Variants in ENTHD1 observed in about 807,000 individuals in gnomAD.
The protein encoded by ENTHD1 is ENTH domain containing 1, also known as ENTH domain-containing protein 1.
Under a neutral mutation model 39.1 loss-of-function variants are expected in ENTHD1, and 23 were observed. The ratio of observed to expected loss-of-function variants is 0.59; its 90% CI spans 0.42 to 0.83. The LOEUF (loss-of-function observed/expected upper bound fraction) is 0.83, where lower values mean the gene tolerates loss of function less well. ENTHD1 is among the 40% of genes least tolerant of loss of function. ENTHD1 has a pLI of 0.00. For synonymous variants in ENTHD1, 230 were observed against 258.2 expected (o/e 0.89, Z 1.05); for missense variants, 624 against 705.4 (o/e 0.88, Z 1.31).
chr22:39,803,328 C>T (rs1203603219), intron 5 of ENTHD1, among the ~76,000 whole-genome samples: 1 of 152,022 alleles, frequency 6.6e-6, no homozygotes, highest in South Asian at 2.1e-4. Context: ...GTTTCTTCAT[C>T]CTTCTCGTCT....
intron 2 of ENTHD1, among the ~76,000 whole-genome samples, chr22:39,880,692 C>A (rs941427305): frequency 1.3e-5 from 2 of 152,196 alleles, no homozygotes; most frequent in Admixed American, 1.3e-4. Context: ...GGATACATTT[C>A]TGAATTCTTG....
intron 4 of ENTHD1, among the ~76,000 whole-genome samples, chr22:39,828,186 C>T (rs1277351468): frequency 6.6e-6 from 1 of 152,156 alleles, no homozygotes; most frequent in Non-Finnish European, 1.5e-5. Flanking sequence ...TCACTGGAAA[C>T]TGCTGGAGTT....
intron 4 of ENTHD1, among the ~76,000 whole-genome samples, 163 bp downstream of exon 4, chr22:39,835,677 C>A (rs2065902922): frequency 6.6e-6 from 1 of 152,118 alleles, no homozygotes; most frequent in Non-Finnish European, 1.5e-5. Flanking sequence ...ACACATCATC[C>A]GCTAGGGCCT....
At position 39,882,339 on chromosome 22, in the gene ENTHD1, G is replaced by C. The variant is rs1052280786; in HGVS notation, c.349+5061C>G. On this transcript the variant is annotated intron_variant, in intron 2 of 6. Transcript: ENST00000325157. ...AGTAGTTGGGGATAGAGGGAAAAAGGATTCTGAGCTAGGATTTGGAGACTA... is the reference window on the plus strand; with the variant it reads ...AGTAGTTGGGGATAGAGGGAAAAAGCATTCTGAGCTAGGATTTGGAGACTA... Among the ~76,000 whole-genome samples the C allele has an allele frequency of 5.8e-4, 89 of 152,256 alleles. 1 individual carries two copies. Among genetic ancestry groups the C allele is most frequent in the African/African-American group, 2.0e-3 (85 of 41,546 alleles).
intron 2 of ENTHD1, among the ~76,000 whole-genome samples, chr22:39,870,333 T>C (rs996559275): frequency 1.3e-5 from 2 of 151,640 alleles, no homozygotes. Flanking sequence ...ACTAAGGAAT[T>C]CTCCCAAAAT....
intron 6 of ENTHD1, among the ~76,000 whole-genome samples, chr22:39,760,152 G>C (rs1196167569): frequency 6.6e-6 from 1 of 151,906 alleles, no homozygotes; most frequent in Non-Finnish European, 1.5e-5. Flanking sequence ...GTAGGGTAAT[G>C]TTTTTGAATA....
intron 6 of ENTHD1, among the ~76,000 whole-genome samples, chr22:39,755,338 G>T (rs112140021): frequency 1.1e-4 from 16 of 152,258 alleles, no homozygotes; most frequent in African/African-American, 3.9e-4. Context: ...AGGGGAAGGG[G>T]TGGGCCGGGA....
chr22:39,825,872 G>A (rs1416917914), intron 4 of ENTHD1, among the ~76,000 whole-genome samples: 2 of 151,682 alleles, frequency 1.3e-5, no homozygotes, highest in Non-Finnish European at 2.9e-5. Context: ...CCAAATAGAT[G>A]TTCTTGGTTT....
intron 5 of ENTHD1, among the ~76,000 whole-genome samples, chr22:39,784,266 G>A (rs1437382459): frequency 6.6e-6 from 1 of 152,118 alleles, no homozygotes; most frequent in Non-Finnish European, 1.5e-5. Flanking sequence ...TGAGAATGTG[G>A]AGAAAGGGTA....
chr22:39,765,227 T>TGTG lies in ENTHD1; in HGVS notation c.1212_1214dup (p.Thr405dup), dbSNP rs2065266364. On this transcript the variant is annotated inframe_insertion, in exon 6 of 7. Coordinates refer to ENST00000325157, the MANE Select transcript of ENTHD1 (RefSeq NM_152512.4). The stretch of plus-strand genomic sequence containing the variant: ...GTGTGTGTTTGGCAGACTCACCCCG[T>TGTG]GTGGTTGTCTTGAGGATTTTATCAT... 1 of 1,597,816 alleles carries TGTG rather than the reference T, an allele frequency of 6.3e-7. No homozygotes were observed. Among genetic ancestry groups the TGTG allele is most frequent in the South Asian group, 1.1e-5 (1 of 89,544 alleles).
chr22:39,875,236 C>A, intron 2 of ENTHD1: 1 of 1,078,878 alleles, frequency 9.3e-7, no homozygotes, highest in Non-Finnish European at 1.2e-6. Flanking sequence ...ATACGGTATG[C>A]TTCCATTTAT....
At chr22:39,865,237 T>A (rs1242082933) in intron 2 of ENTHD1, among the ~76,000 whole-genome samples, 1 of 152,024 alleles carries the variant, frequency 6.6e-6, no homozygotes, top group African/African-American at 2.4e-5. Context: ...CCCCAGATCA[T>A]CAGAGCCCCT....
chr22:39,764,011 CTATT>C (rs2065255437), intron 6 of ENTHD1, among the ~76,000 whole-genome samples: 1 of 152,100 alleles, frequency 6.6e-6, no homozygotes, highest in Non-Finnish European at 1.5e-5. Flanking sequence ...TACCTTTAGG[CTATT>C]CAGTATCAAA....
rs2065683671 is a variant in ENTHD1, at chr22:39,811,267, T to C, written c.832+9726A>G. ...TGGAGGCCATGGGTATGCTGCTGTC[T>C]CTATTTACTGCCAGTTTTGAGTGAG... is the stretch of plus-strand genomic sequence containing the variant. On this transcript the variant is annotated intron_variant, in intron 5 of 6. Transcript: ENST00000325157. Among the ~76,000 whole-genome samples, 8 of 152,258 alleles carry C rather than the reference T, an allele frequency of 5.3e-5. No homozygotes were observed. The South Asian group carries it at 1.5e-3, about 28-fold the overall frequency.
At chr22:39,861,023 C>T (rs1415866054) in intron 3 of ENTHD1, among the ~76,000 whole-genome samples, 1 of 152,162 alleles carries the variant, frequency 6.6e-6, no homozygotes, top group African/African-American at 2.4e-5. Flanking sequence ...CTGAAGCATA[C>T]TTTAGAAAAT....
intron 5 of ENTHD1, among the ~76,000 whole-genome samples, chr22:39,773,444 C>A (rs1366742024): frequency 6.6e-6 from 1 of 152,110 alleles, no homozygotes; most frequent in African/African-American, 2.4e-5. Flanking sequence ...GTTCTCTGGA[C>A]ACAATGGAAT....
intron 5 of ENTHD1, among the ~76,000 whole-genome samples, chr22:39,815,067 CAACA>C (rs2065722742): frequency 6.6e-6 from 1 of 152,074 alleles, no homozygotes; most frequent in South Asian, 2.1e-4. Context: ...GAAAAATGAC[CAACA>C]GACATGGACA....
chr22:39,839,715 T>C (rs565400874), intron 3 of ENTHD1, among the ~76,000 whole-genome samples: 1 of 152,328 alleles, frequency 6.6e-6, no homozygotes, highest in South Asian at 2.1e-4. Flanking sequence ...TCAACTACAT[T>C]ATCACTTGCT....
chr22:39,785,084 G>C (rs1229567980), intron 5 of ENTHD1, among the ~76,000 whole-genome samples: 1 of 152,040 alleles, frequency 6.6e-6, no homozygotes, highest in Non-Finnish European at 1.5e-5. Flanking sequence ...TAAAATGGTG[G>C]ATTAAGACAA....
Sources: allele counts gnomAD v4.1 joint callset (sites outside exome capture counted in the v4.1 genomes callset), GRCh38; gene constraint gnomAD v4.1.1; transcripts MANE v1.5; gene names NCBI Gene and HGNC (gene_info 2026-07-23, HGNC 2026-07-21).